ZNF846: variants seen among roughly 807,000 people sequenced by gnomAD.
ZNF846 encodes zinc finger protein 420 pseudogene.
A neutral mutation model predicts 16.0 loss-of-function variants in ZNF846; 15 were observed. That is an observed-to-expected ratio of 0.94 (90% CI 0.63 to 1.45). The LOEUF is 1.45. ZNF846 is among the 40% of genes most tolerant of loss of function. The pLI is 0.00. For missense variants in ZNF846, 714 were observed against 622.3 expected, an observed-to-expected ratio of 1.15 and a Z score of -1.57; for synonymous variants, 229 against 212.0, an observed-to-expected ratio of 1.08 and a Z score of -0.70.
At chr19:9,783,696 T>G (rs2045529162) in intron 1 of ZNF846, among the ~76,000 whole-genome samples, 1 of 150,684 alleles carries the variant, frequency 6.6e-6, no homozygotes, top group Non-Finnish European at 1.5e-5. Flanking sequence ...TTTTTGTTTT[T>G]TTTTTTAATT....
chr19:9,773,741 C>T (rs1367675517), intron 1 of ZNF846, among the ~76,000 whole-genome samples: 2 of 152,026 alleles, frequency 1.3e-5, no homozygotes, highest in African/African-American at 4.8e-5. Flanking sequence ...GAGATTGCAC[C>T]ACTGCACTTC....
chr19:9,755,605 C>A (rs1291084010), downstream of ZNF846: 1 of 149,708 alleles, frequency 6.7e-6, no homozygotes, highest in Non-Finnish European at 1.5e-5. Context: ...TCGAGACCAT[C>A]CCGGCTAAAA....
intron 1 of ZNF846, among the ~76,000 whole-genome samples, chr19:9,781,476 TTGAAATTCCTTTATTA>T (rs1192753850): frequency 6.6e-6 from 1 of 152,062 alleles, no homozygotes; most frequent in African/African-American, 2.4e-5. Context: ...CATAGCCCCT[TTGAAATTCCTTTATTA>T]TAAGTCTTGT....
chr19:9,751,305 G>A (rs1038803689), downstream of ZNF846, among the ~76,000 whole-genome samples: 3 of 151,998 alleles, frequency 2.0e-5, no homozygotes, highest in Non-Finnish European at 4.4e-5. Flanking sequence ...GCTCAAAGCA[G>A]CCCTGAGAAA....
chr19:9,775,265 G>C (rs962589279), intron 1 of ZNF846, among the ~76,000 whole-genome samples: 4 of 151,656 alleles, frequency 2.6e-5, no homozygotes, highest in African/African-American at 9.7e-5. Flanking sequence ...ATGGAGTTTT[G>C]TAAATTAATT....
intron 5 of ZNF846, among the ~76,000 whole-genome samples, 195 bp downstream of exon 5, chr19:9,759,665 G>T (rs1325817240): frequency 6.6e-6 from 1 of 151,734 alleles, no homozygotes; most frequent in Non-Finnish European, 1.5e-5. Flanking sequence ...TTGTATGTTT[G>T]TGGATGTTTA....
intron 1 of ZNF846, 45 bp from the exon 2 acceptor site, chr19:9,765,080 A>G: frequency 9.5e-7 from 1 of 1,056,482 alleles, no homozygotes; most frequent in Non-Finnish European, 1.5e-6. Flanking sequence ...CATCAAAGAA[A>G]AAGTATTTCA....
chr19:9,781,776 A>AG (rs1419721167), intron 1 of ZNF846, among the ~76,000 whole-genome samples: 1 of 149,568 alleles, frequency 6.7e-6, no homozygotes, highest in East Asian at 2.0e-4. Flanking sequence ...AAGGGCAAAC[A>AG]ATTTTTTTTT....
At chr19:9,762,246 T>C (rs1454114877) in intron 3 of ZNF846, 78 bp from the exon 4 acceptor site, 5 of 1,101,192 alleles carry the variant, frequency 4.5e-6, no homozygotes, top group East Asian at 4.8e-5. Flanking sequence ...CCAATACTTT[T>C]GCCTTCGGGG....
At chr19:9,769,743 A>C (rs2045372530), upstream of ZNF846, among the ~76,000 whole-genome samples, 2 of 152,026 alleles carry the variant, frequency 1.3e-5, no homozygotes, top group East Asian at 3.9e-4. Context: ...TGGGAAGCCG[A>C]GGCGGGTGGA....
intron 2 of ZNF846, 173 bp downstream of exon 2, chr19:9,764,763 G>A (rs2145240075): frequency 5.6e-6 from 4 of 719,328 alleles, no homozygotes; most frequent in East Asian, 5.3e-5. Flanking sequence ...CACTTCCATT[G>A]CAATCTCTGT....
At chr19:9,767,672 T>C (rs919613557) in intron 1 of ZNF846, among the ~76,000 whole-genome samples, 1 of 152,006 alleles carries the variant, frequency 6.6e-6, no homozygotes, top group African/African-American at 2.4e-5. Flanking sequence ...CGCGGTGGCT[T>C]ATACCTGTAA....
rs1478988687 is a variant in ZNF846 at position 9,762,252 on chromosome 19, C to T, written c.143-84G>A. 46 of 1,017,544 alleles carry T rather than the reference C, an allele frequency of 4.5e-5. No homozygotes were observed. In the East Asian group the frequency reaches 6.3e-4, roughly 14 times the overall value. The allele number at this position is 1,017,544 out of a possible 1,614,324, so 63.0% of individuals were successfully genotyped here. A position where few individuals can be genotyped will look rare whatever the true frequency, so the allele number is the denominator to read the frequency against. On this transcript the variant is annotated intron_variant, in intron 3 of 5. Transcript: ENST00000397902. Reference sequence around the variant, plus strand: ...AATGGGGAACCAATACTTTTGCCTTCGGGGATTCTAAAGATGGTCAAGTGT... The same window carrying T: ...AATGGGGAACCAATACTTTTGCCTTTGGGGATTCTAAAGATGGTCAAGTGT...
chr19:9,768,587 T>C (rs1470147816), exon 1 of ZNF846: 1 of 152,232 alleles, frequency 6.6e-6, no homozygotes. Context: ...GGCCGGCGCG[T>C]CTCAGACCTA....
At chr19:9,755,338 G>C (rs2045122659), downstream of ZNF846, among the ~76,000 whole-genome samples, 1 of 151,502 alleles carries the variant, frequency 6.6e-6, no homozygotes, top group Non-Finnish European at 1.5e-5. Context: ...TGGACAGTAA[G>C]ACACATAGAA....
intron 1 of ZNF846, among the ~76,000 whole-genome samples, chr19:9,778,148 TA>T (rs1182485511): frequency 6.6e-6 from 1 of 152,028 alleles, no homozygotes; most frequent in African/African-American, 2.4e-5. Flanking sequence ...ACAACTGCCT[TA>T]AAGATGTTCA....
chr19:9,786,020 T>G (rs2145338331), exon 1 of ZNF846: 1 of 151,856 alleles, frequency 6.6e-6, no homozygotes, highest in Admixed American at 6.6e-5. Context: ...CCACGCGCAC[T>G]TCTGATTCCG....
chr19:9,757,923 A>G (rs562988508), exon 6 of ZNF846: 1 of 1,613,634 alleles, frequency 6.2e-7, no homozygotes, highest in African/African-American at 1.3e-5. Flanking sequence ...ATGTGTTCTC[A>G]TGTGTAAAAC....
chr19:9,758,680 T>C (rs1181869287), exon 6 of ZNF846: 6 of 1,612,258 alleles, frequency 3.7e-6, no homozygotes, highest in Non-Finnish European at 5.1e-6. Flanking sequence ...TGAGTTATCA[T>C]GTGAGTCATA....
Sources: gnomAD v4.1 joint callset for allele counts (sites outside exome capture counted in the v4.1 genomes callset) on GRCh38, gnomAD v4.1.1 for gene constraint, MANE v1.5 for transcripts, NCBI Gene and HGNC (gene_info 2026-07-23, HGNC 2026-07-21) for gene names.